Variants in PCLO observed in about 807,000 individuals in gnomAD.
The protein encoded by PCLO is protein piccolo.
A neutral mutation model predicts 427.5 loss-of-function variants in PCLO; 82 were observed. The observed-to-expected ratio is 0.19, with a 90% CI of 0.16 to 0.23. PCLO has a LOEUF of 0.23. Among genes scored for constraint, PCLO ranks in the 10% least tolerant of loss-of-function variants. PCLO has a pLI of 1.00. For synonymous variants in PCLO, 2,357 were observed against 2,155.4 expected (o/e 1.09, Z -2.59); for missense variants, 6,239 against 6,115.9 (o/e 1.02, Z -0.67).
chr7:82,791,322 A>G (rs1483626389), intron 22 of PCLO, among the ~76,000 whole-genome samples: 1 of 152,210 alleles, frequency 6.6e-6, no homozygotes, highest in African/African-American at 2.4e-5. Flanking sequence ...TGCTACTGCT[A>G]CTTAGCATTC....
At chr7:83,069,772 T>G (rs1276784604) in intron 3 of PCLO, among the ~76,000 whole-genome samples, 1 of 105,488 alleles carries the variant, frequency 9.5e-6, no homozygotes, top group South Asian at 3.9e-4. Context: ...CTAAAGATTC[T>G]CCACCTCCCC....
chr7:83,080,983 C>T (rs1373108518), intron 3 of PCLO, among the ~76,000 whole-genome samples: 1 of 151,838 alleles, frequency 6.6e-6, no homozygotes, highest in Non-Finnish European at 1.5e-5. Flanking sequence ...TAAATATGGT[C>T]TGTCTCTCAA....
At chr7:83,122,286 CTTTTTTTT>C (rs71074624) in intron 3 of PCLO, among the ~76,000 whole-genome samples, 3 of 128,292 alleles carry the variant, frequency 2.3e-5, no homozygotes, top group African/African-American at 8.9e-5. Context: ...CTTTTCTTTT[CTTTTTTTT>C]TTTTTTTTTT....
chr7:82,932,105 C>A (rs1036020902), intron 6 of PCLO, among the ~76,000 whole-genome samples: 1 of 152,074 alleles, frequency 6.6e-6, no homozygotes, highest in East Asian at 1.9e-4. Flanking sequence ...GGGATTTGAG[C>A]AGAGTAGACA....
intron 3 of PCLO, among the ~76,000 whole-genome samples, chr7:83,050,275 A>ATTTT (rs1562939056): frequency 2.5e-5 from 2 of 80,962 alleles, no homozygotes; most frequent in African/African-American, 9.1e-5. Context: ...GCTTTTTAAA[A>ATTTT]AAAAAAAAAA....
At chr7:82,891,682 T>C (rs1413761065) in intron 9 of PCLO, among the ~76,000 whole-genome samples, 1 of 152,110 alleles carries the variant, frequency 6.6e-6, no homozygotes, top group Non-Finnish European at 1.5e-5. Context: ...TTGTCATAGA[T>C]AGCTCTTATT....
intron 2 of PCLO, among the ~76,000 whole-genome samples, chr7:83,142,144 A>G (rs1228958621): frequency 6.6e-6 from 1 of 152,166 alleles, no homozygotes; most frequent in Non-Finnish European, 1.5e-5. Flanking sequence ...TATTCATAAT[A>G]TGATCTCTGC....
intron 3 of PCLO, among the ~76,000 whole-genome samples, chr7:83,091,380 A>G (rs1790374415): frequency 6.6e-6 from 1 of 152,176 alleles, no homozygotes; most frequent in Admixed American, 6.5e-5. Context: ...GCAATTGAAG[A>G]AAATGTCAGT....
intron 3 of PCLO, among the ~76,000 whole-genome samples, chr7:83,001,934 C>T (rs144204739): frequency 9.0e-4 from 137 of 152,088 alleles, no homozygotes; most frequent in Middle Eastern, 3.4e-3. Flanking sequence ...AGAGGTGTGA[C>T]TCATGGGAGC....
chr7:82,915,634 G>A lies in PCLO; in HGVS notation c.12352C>T (p.Pro4118Ser). The change falls in exon 7 of 25, where the codon CCT becomes TCT. Residue 4118 changes from proline to serine, a missense_variant. This residue lies in a region of PCLO where 680 missense variants were observed against 677.3 expected (regional missense o/e 1.00). Transcript: ENST00000333891. Reference protein sequence around the residue: ...VKAEEDPMEDPYELKLLKHQI... With the variant: ...VKAEEDPMEDSYELKLLKHQI... ...TGTTTCAGAAGCTTTAACTCGTAAGGATCCTCCATTGGGTCTTCCTCCGCC... is the reference window on the plus strand; with the variant it reads ...TGTTTCAGAAGCTTTAACTCGTAAGAATCCTCCATTGGGTCTTCCTCCGCC... 6.2e-7 allele frequency: 1 copy of A among 1,613,472 alleles called. No individual in the cohort carries two copies. Among genetic ancestry groups the A allele is most frequent in the Non-Finnish European group, 8.5e-7 (1 of 1,179,692 alleles).
chr7:83,034,744 T>A (rs1362603172), intron 3 of PCLO, among the ~76,000 whole-genome samples: 1 of 152,214 alleles, frequency 6.6e-6, no homozygotes, highest in African/African-American at 2.4e-5. Flanking sequence ...TCTGGCAGTA[T>A]CTACACTTTA....
At position 82,824,218 on chromosome 7, in the gene PCLO, TAA is replaced by T; in HGVS notation, c.14596+16_14596+17del. ...AAATAGACACAAAACTTTTTCTACT[TAA>T]AAAAATATTTCCTACCCTTTGATGG... On this transcript the variant is annotated intron_variant, in intron 19 of 24. Transcript: ENST00000333891. 1 of 1,559,692 alleles carries T rather than the reference TAA, an allele frequency of 6.4e-7. No homozygotes were observed. Among genetic ancestry groups the T allele is most frequent in the Non-Finnish European group, 8.7e-7 (1 of 1,151,182 alleles).
At chr7:83,119,455 G>T (rs1293453808) in intron 3 of PCLO, among the ~76,000 whole-genome samples, 1 of 151,896 alleles carries the variant, frequency 6.6e-6, no homozygotes, top group African/African-American at 2.4e-5. Context: ...TCACAGTATT[G>T]CTGTGCTTGG....
At chr7:82,983,149 TCACATTGAGTA>T (rs901203824) in intron 3 of PCLO, among the ~76,000 whole-genome samples, 28 of 151,534 alleles carry the variant, frequency 1.8e-4, no homozygotes, top group African/African-American at 6.3e-4. Context: ...TACTCTTTAT[TCACATTGAGTA>T]CAAAAAATTG....
intron 10 of PCLO, among the ~76,000 whole-genome samples, chr7:82,850,334 A>G (rs1792617752): frequency 6.6e-6 from 1 of 152,126 alleles, no homozygotes; most frequent in Non-Finnish European, 1.5e-5. Context: ...TAGGAAATTA[A>G]GACAGTCTGG....
chr7:82,989,975 A>T (rs1796340729), intron 3 of PCLO, among the ~76,000 whole-genome samples: 1 of 152,202 alleles, frequency 6.6e-6, no homozygotes, highest in Non-Finnish European at 1.5e-5. Context: ...AAGAGTAAAG[A>T]ATTTCCTCTT....
intron 3 of PCLO, among the ~76,000 whole-genome samples, chr7:83,058,928 A>G (rs1789469643): frequency 6.6e-6 from 1 of 152,056 alleles, no homozygotes; most frequent in Admixed American, 6.6e-5. Context: ...CAAAATTACT[A>G]TTCCTTCCTT....
At chr7:82,813,096 A>G (rs779684844) in intron 20 of PCLO, among the ~76,000 whole-genome samples, 9 of 151,754 alleles carry the variant, frequency 5.9e-5, no homozygotes, top group Non-Finnish European at 1.0e-4. Flanking sequence ...GAACATTTTG[A>G]AAATTCATTA....
intron 22 of PCLO, among the ~76,000 whole-genome samples, chr7:82,766,301 A>G (rs549214929): frequency 6.6e-6 from 1 of 152,226 alleles, no homozygotes; most frequent in South Asian, 2.1e-4. Flanking sequence ...GGAAATATGT[A>G]AAGCTTAGTA....
Sources: allele counts gnomAD v4.1 joint callset (sites outside exome capture counted in the v4.1 genomes callset), GRCh38; gene constraint gnomAD v4.1.1; regional missense constraint gnomAD v4.1.1; transcripts MANE v1.5; gene names NCBI Gene and HGNC (gene_info 2026-07-23, HGNC 2026-07-21).